Variants in RBFOX1 observed in about 807,000 individuals in gnomAD.
RBFOX1 encodes RNA binding protein fox-1 homolog 1.
A neutral mutation model predicts 57.7 loss-of-function variants in RBFOX1; 8 were observed. The observed-to-expected ratio is 0.14, with a 90% CI of 0.08 to 0.25. The LOEUF (loss-of-function observed/expected upper bound fraction) is 0.25, where lower values mean the gene tolerates loss of function less well. Among genes scored for constraint, RBFOX1 ranks in the 10% least tolerant of loss-of-function variants. The pLI is 1.00. For missense variants in RBFOX1, 611 were observed against 548.5 expected (o/e 1.11, Z -1.14); for synonymous variants, 326 against 222.4 (o/e 1.47, Z -4.15).
At chr16:6,793,879 A>G (rs990380537) in intron 3 of RBFOX1, among the ~76,000 whole-genome samples, 4 of 152,130 alleles carry the variant, frequency 2.6e-5, no homozygotes, top group Non-Finnish European at 5.9e-5. Flanking sequence ...AGTTTTTTTA[A>G]AAAGGTTATG....
At chr16:7,559,251 T>C (rs907270004) in intron 5 of RBFOX1, among the ~76,000 whole-genome samples, 5 of 152,228 alleles carry the variant, frequency 3.3e-5, no homozygotes, top group Admixed American at 2.0e-4. Flanking sequence ...CAGAATGTTA[T>C]ATCTGCCATG....
chr16:7,298,754 C>T (rs981458202), intron 4 of RBFOX1, among the ~76,000 whole-genome samples: 18 of 152,108 alleles, frequency 1.2e-4, no homozygotes, highest in South Asian at 2.1e-4. Flanking sequence ...AAAATCATAA[C>T]GAAGAGAAAA....
intron 3 of RBFOX1, among the ~76,000 whole-genome samples, chr16:5,749,200 C>A (rs1323469833): frequency 3.3e-5 from 5 of 152,092 alleles, no homozygotes; most frequent in Non-Finnish European, 5.9e-5. Flanking sequence ...GCCCCCACCC[C>A]CTTTTGGTTT....
At chr16:6,493,394 C>G (rs897618455) in intron 2 of RBFOX1, among the ~76,000 whole-genome samples, 1 of 152,150 alleles carries the variant, frequency 6.6e-6, no homozygotes, top group African/African-American at 2.4e-5. Context: ...ACACACTTGT[C>G]ATTCATCGCC....
intron 4 of RBFOX1, among the ~76,000 whole-genome samples, chr16:7,386,475 G>T (rs1035440571): frequency 6.6e-6 from 1 of 151,376 alleles, no homozygotes; most frequent in South Asian, 2.1e-4. Context: ...AACATGTGGC[G>T]TTTGATTTTC....
chr16:7,436,607 G>T (rs567560469), intron 4 of RBFOX1, among the ~76,000 whole-genome samples: 1 of 152,184 alleles, frequency 6.6e-6, no homozygotes, highest in South Asian at 2.1e-4. Flanking sequence ...AAGGATTGGC[G>T]CTGGGTTAAC....
chr16:5,915,412 A>G (rs947790215), intron 4 of RBFOX1, among the ~76,000 whole-genome samples: 6 of 152,184 alleles, frequency 3.9e-5, no homozygotes, highest in African/African-American at 1.2e-4. Flanking sequence ...TACCTAAATG[A>G]TGTTCATTCA....
intron 1 of RBFOX1, among the ~76,000 whole-genome samples, chr16:6,301,663 T>C (rs540393512): frequency 1.3e-5 from 2 of 152,302 alleles, no homozygotes; most frequent in Admixed American, 1.3e-4. Context: ...AACCCAAAAC[T>C]ACTCTTAAAA....
intron 14 of RBFOX1, among the ~76,000 whole-genome samples, chr16:7,688,248 T>TGA (rs2076513912): frequency 1.0e-5 from 1 of 97,244 alleles, no homozygotes; most frequent in African/African-American, 3.7e-5. Flanking sequence ...TGTGTGTGTG[T>TGA]GTGTGTGTGT....
chr16:5,910,063 C>CAA (rs1000858949), intron 4 of RBFOX1, among the ~76,000 whole-genome samples: 3 of 150,418 alleles, frequency 2.0e-5, no homozygotes, highest in African/African-American at 4.9e-5. Context: ...CAAACAAAAA[C>CAA]AAAAAACAAA....
chr16:6,992,919 A>G (rs1210554714), intron 3 of RBFOX1, among the ~76,000 whole-genome samples: 1 of 152,006 alleles, frequency 6.6e-6, no homozygotes, highest in Non-Finnish European at 1.5e-5. Context: ...ACAAGGAATT[A>G]TAATGGATTT....
chr16:6,655,135 A>C (rs929912268), intron 3 of RBFOX1, among the ~76,000 whole-genome samples: 1 of 151,818 alleles, frequency 6.6e-6, no homozygotes, highest in Admixed American at 6.6e-5. Context: ...ACACTTTGGG[A>C]GGCAGAGGTG....
chr16:7,067,265 G>C (rs893833434), intron 4 of RBFOX1, among the ~76,000 whole-genome samples: 39 of 151,908 alleles, frequency 2.6e-4, no homozygotes, highest in Admixed American at 8.5e-4. Context: ...TACTCATGTT[G>C]AAATCTGTGT....
rs752782535 is a variant in RBFOX1 at position 7,054,541 on chromosome 16, T to TGGGGGGGG, written c.27+2446_27+2447insGGGGGGGG. The stretch of plus-strand genomic sequence containing the variant: ...CAGGTGTGAGCCACTGCGCCAAACC[T>TGGGGGGGG]GGGTGGGGGGGCATTTTTTAAGGGT... On this transcript the variant is annotated intron_variant, in intron 4 of 15. Coordinates refer to ENST00000550418, the MANE Select transcript of RBFOX1 (RefSeq NM_018723.4). Among the ~76,000 whole-genome samples, 6 of 45,954 alleles carry TGGGGGGGG rather than the reference T, an allele frequency of 1.3e-4. 1 individual carries two copies. Among genetic ancestry groups the TGGGGGGGG allele is most frequent in the Non-Finnish European group, 2.8e-4 (4 of 14,200 alleles). The allele number at this position is 45,954 out of a possible 152,430, so 30.1% of individuals were successfully genotyped here.
chr16:5,897,001 A>G (rs1248118344), intron 4 of RBFOX1, among the ~76,000 whole-genome samples: 2 of 135,702 alleles, frequency 1.5e-5, no homozygotes, highest in Non-Finnish European at 3.1e-5. Context: ...CCCCCACTAA[A>G]AATGTATCCA....
intron 1 of RBFOX1, among the ~76,000 whole-genome samples, chr16:6,220,662 GGT>G (rs1349115775): frequency 6.6e-6 from 1 of 151,884 alleles, no homozygotes. Flanking sequence ...AATGGTTTGT[GGT>G]GTGTGTTTAC....
At chr16:5,631,113 C>T (rs1462668484) in intron 3 of RBFOX1, among the ~76,000 whole-genome samples, 5 of 152,278 alleles carry the variant, frequency 3.3e-5, no homozygotes, top group Non-Finnish European at 2.9e-5. Flanking sequence ...ACATTTGAAA[C>T]AATCTAAAGC....
chr16:6,762,999 A>C (rs908777320), intron 3 of RBFOX1, among the ~76,000 whole-genome samples: 4 of 150,468 alleles, frequency 2.7e-5, no homozygotes, highest in Admixed American at 6.7e-5. Context: ...GCCCAGTGCA[A>C]ATAGGAACAT....
intron 4 of RBFOX1, among the ~76,000 whole-genome samples, chr16:7,385,230 G>A (rs2097856037): frequency 6.6e-6 from 1 of 152,206 alleles, no homozygotes; most frequent in Non-Finnish European, 1.5e-5. Flanking sequence ...ATGACTGCTT[G>A]CCACGTGAAA....
Sources: gnomAD v4.1 joint callset for allele counts (sites outside exome capture counted in the v4.1 genomes callset) on GRCh38, gnomAD v4.1.1 for gene constraint, MANE v1.5 for transcripts, NCBI Gene and HGNC (gene_info 2026-07-23, HGNC 2026-07-21) for gene names.